Variants in PTCHD4 observed in about 807,000 individuals in gnomAD.
The protein encoded by PTCHD4 is patched domain-containing protein 4.
PTCHD4 carries 33 observed loss-of-function variants against 58.1 expected under a neutral mutation model. The observed-to-expected ratio is 0.57, with a 90% CI of 0.43 to 0.76. The LOEUF is 0.76. PTCHD4 is among the 30% of genes least tolerant of loss of function. PTCHD4 has a pLI of 0.00. For missense variants in PTCHD4, 1,058 were observed against 1,027.1 expected (o/e 1.03, Z -0.41); for synonymous variants, 478 against 409.6 (o/e 1.17, Z -2.02).
intron 4 of PTCHD4, among the ~76,000 whole-genome samples, chr6:47,952,017 G>T (rs1766671662): frequency 6.6e-6 from 1 of 152,108 alleles, no homozygotes; most frequent in Non-Finnish European, 1.5e-5. Context: ...TATGGCAAAA[G>T]ATTTTTAATA....
At chr6:48,064,043 A>G (rs193023883) in intron 3 of PTCHD4, among the ~76,000 whole-genome samples, 3 of 152,308 alleles carry the variant, frequency 2.0e-5, no homozygotes, top group Admixed American at 2.0e-4. Flanking sequence ...CAAATGTGGT[A>G]CATTGAAGTA....
rs534790049 is a variant in PTCHD4, at chr6:48,104,382, T to G, written c.-970+6667A>C. On this transcript the variant is annotated intron_variant, in intron 1 of 4. Transcript: ENST00000339488. ...CATAAGTGAAGGAGAAATAAAATACTTTACAGACAAGCAAATGCTGAGAGA... is the reference window on the plus strand; with the variant it reads ...CATAAGTGAAGGAGAAATAAAATACGTTACAGACAAGCAAATGCTGAGAGA... Among the ~76,000 whole-genome samples the G allele has an allele frequency of 3.3e-5, 5 of 152,294 alleles. No homozygotes were observed. The East Asian group carries it at 9.6e-4, about 29-fold the overall frequency.
rs192712850 is a variant in PTCHD4, at chr6:48,069,142, G to C, written c.-185C>G. Among the ~76,000 whole-genome samples, 34 of 95,750 alleles carry C rather than the reference G, an allele frequency of 3.6e-4. No individual in the cohort carries two copies. Among genetic ancestry groups the C allele is most frequent in the East Asian group, 5.3e-4 (2 of 3,792 alleles). The allele number at this position is 95,750 out of a possible 152,430, so 62.8% of individuals were successfully genotyped here. A position where few individuals can be genotyped will look rare whatever the true frequency, so the allele number is the denominator to read the frequency against. On this transcript the variant is annotated 5_prime_UTR_variant, in exon 2 of 5. Coordinates refer to ENST00000339488, the MANE Select transcript of PTCHD4 (RefSeq NM_001384253.1). ...AGAAGCAGACATGTGCCCCATAAAG[G>C]GGGGGGGGGCTGAGGGGGGGAGAGG...
At chr6:48,067,704 T>C (rs1230628748) in intron 3 of PTCHD4, among the ~76,000 whole-genome samples, 3 of 152,166 alleles carry the variant, frequency 2.0e-5, no homozygotes, top group African/African-American at 4.8e-5. Flanking sequence ...AGCCCCATAA[T>C]GAAAAGAAAT....
At chr6:48,021,045 A>C (rs1271464554) in intron 3 of PTCHD4, among the ~76,000 whole-genome samples, 2 of 152,046 alleles carry the variant, frequency 1.3e-5, no homozygotes, top group Admixed American at 6.6e-5. Flanking sequence ...ACTAAACTTG[A>C]GTTGTTTTTA....
chr6:47,992,297 A>G (rs1348380921), intron 4 of PTCHD4, among the ~76,000 whole-genome samples: 1 of 152,120 alleles, frequency 6.6e-6, no homozygotes, highest in Non-Finnish European at 1.5e-5. Context: ...ACGTGAACAT[A>G]TATATATACA....
At chr6:47,984,123 C>T (rs1367310309) in intron 4 of PTCHD4, among the ~76,000 whole-genome samples, 1 of 152,068 alleles carries the variant, frequency 6.6e-6, no homozygotes, top group Non-Finnish European at 1.5e-5. Flanking sequence ...TTATTGATTT[C>T]ATAATCATTT....
intron 4 of PTCHD4, among the ~76,000 whole-genome samples, chr6:47,947,832 T>G (rs1369459979): frequency 6.6e-6 from 1 of 152,122 alleles, no homozygotes; most frequent in Non-Finnish European, 1.5e-5. Flanking sequence ...TCTGGAATAG[T>G]CTTAGTTTTG....
chr6:47,951,379 A>C lies in PTCHD4; in HGVS notation c.898+57255T>G, dbSNP rs568401058. Among the ~76,000 whole-genome samples the C allele has an allele frequency of 2.6e-5, 4 of 152,344 alleles. No individual in the cohort carries two copies. In the South Asian group the frequency reaches 8.3e-4, roughly 32 times the overall value. The stretch of plus-strand genomic sequence containing the variant: ...GATGACTCTAAGACACTGTGTGTTT[A>C]TCATTCACAGAATTATATCACACTG... On this transcript the variant is annotated intron_variant, in intron 4 of 4. Transcript: ENST00000339488.
intron 4 of PTCHD4, among the ~76,000 whole-genome samples, chr6:47,884,037 A>G (rs1353188735): frequency 6.6e-6 from 1 of 151,808 alleles, no homozygotes; most frequent in Non-Finnish European, 1.5e-5. Flanking sequence ...GCTGTTAACA[A>G]CTTCAAGAAT....
intron 4 of PTCHD4, among the ~76,000 whole-genome samples, chr6:47,909,518 G>A (rs973061386): frequency 1.3e-5 from 2 of 152,092 alleles, no homozygotes; most frequent in Non-Finnish European, 2.9e-5. Context: ...GTGTTAAGAT[G>A]CACACTGTAA....
chr6:48,020,788 T>G (rs1474325618), intron 3 of PTCHD4, among the ~76,000 whole-genome samples: 1 of 152,132 alleles, frequency 6.6e-6, no homozygotes, highest in East Asian at 1.9e-4. Flanking sequence ...TACAGCATGA[T>G]CTCCACTACT....
intron 3 of PTCHD4, among the ~76,000 whole-genome samples, chr6:48,031,005 A>T (rs2114132025): frequency 6.6e-6 from 1 of 152,246 alleles, no homozygotes; most frequent in East Asian, 1.9e-4. Context: ...GGAAAGGAGA[A>T]TGTCTCTTTT....
chr6:48,041,716 A>AT (rs957898910), intron 3 of PTCHD4, among the ~76,000 whole-genome samples: 2 of 151,910 alleles, frequency 1.3e-5, no homozygotes, highest in Admixed American at 1.3e-4. Context: ...AGGGTCATGC[A>AT]TTTTTTTGTT....
At chr6:48,084,083 A>G (rs767349581) in intron 1 of PTCHD4, among the ~76,000 whole-genome samples, 2 of 152,160 alleles carry the variant, frequency 1.3e-5, no homozygotes, top group Non-Finnish European at 2.9e-5. Context: ...AGCGTTCTCA[A>G]CCATCAAAAT....
chr6:48,063,262 G>A lies in PTCHD4; in HGVS notation c.417+4968C>T, dbSNP rs74895981. On this transcript the variant is annotated intron_variant, in intron 3 of 4. Transcript: ENST00000339488. Reference sequence around the variant, plus strand: ...GAAATCCTGTGCCAGTGAAGAATTTGCTAAACTCTCCACAGTAAGGGGATA... The same window carrying A: ...GAAATCCTGTGCCAGTGAAGAATTTACTAAACTCTCCACAGTAAGGGGATA... 2.0e-5 allele frequency among the ~76,000 whole-genome samples: 3 copies of A among 152,244 alleles called. No individual in the cohort carries two copies. The East Asian group carries it at 5.8e-4, about 29-fold the overall frequency.
At chr6:48,075,736 G>A (rs1016730281) in intron 1 of PTCHD4, among the ~76,000 whole-genome samples, 6 of 152,142 alleles carry the variant, frequency 3.9e-5, no homozygotes, top group Admixed American at 3.3e-4. Context: ...ATCTAAAAAT[G>A]TACATAGCTT....
At chr6:48,108,963 A>C (rs1035017825) in intron 1 of PTCHD4, among the ~76,000 whole-genome samples, 24 of 152,128 alleles carry the variant, frequency 1.6e-4, no homozygotes, top group Non-Finnish European at 3.2e-4. Flanking sequence ...AGATGTTGAG[A>C]AAATGAAAAA....
intron 4 of PTCHD4, among the ~76,000 whole-genome samples, chr6:47,957,214 C>T (rs933915808): frequency 1.2e-4 from 17 of 146,874 alleles, no homozygotes; most frequent in African/African-American, 4.0e-4. Flanking sequence ...ATTTTTTAAA[C>T]AGAAATAAAA....
Sources: allele counts gnomAD v4.1 joint callset (sites outside exome capture counted in the v4.1 genomes callset), GRCh38; gene constraint gnomAD v4.1.1; transcripts MANE v1.5; gene names NCBI Gene and HGNC (gene_info 2026-07-23, HGNC 2026-07-21).